EZR: variants seen among roughly 807,000 people sequenced by gnomAD.
The protein encoded by EZR is ezrin.
In EZR, 40 loss-of-function variants were observed where a neutral mutation model predicts 74.8. That is an observed-to-expected ratio of 0.53 (90% CI 0.42 to 0.70). EZR has a LOEUF of 0.70. Among genes scored for constraint, EZR ranks in the 30% least tolerant of loss-of-function variants. The probability of loss-of-function intolerance (pLI) is 0.00; values close to 1 mark genes in which losing one functional copy is unlikely to be tolerated. For missense variants in EZR, 678 were observed against 755.8 expected, an observed-to-expected ratio of 0.90 and a Z score of 1.21; for synonymous variants, 341 against 283.3, an observed-to-expected ratio of 1.20 and a Z score of -2.05.
chr6:158,771,528 C>T (rs143680525), intron 8 of EZR, 121 bp from the exon 9 acceptor site: 2 of 1,086,452 alleles, frequency 1.8e-6, no homozygotes, highest in African/African-American at 1.6e-5. Context: ...ACAGGGATGG[C>T]AGCATCTCGG....
chr6:158,772,589 G>T (rs1036165061), intron 8 of EZR, among the ~76,000 whole-genome samples: 3 of 152,350 alleles, frequency 2.0e-5, no homozygotes, highest in Non-Finnish European at 4.4e-5. Context: ...GGAAACTCGT[G>T]ACCATGACTG....
intron 2 of EZR, among the ~76,000 whole-genome samples, chr6:158,798,265 T>C (rs1457981349): frequency 2.0e-5 from 3 of 152,178 alleles, no homozygotes; most frequent in African/African-American, 4.8e-5. Flanking sequence ...CTTTTAGCAA[T>C]TGCAAATAAG....
chr6:158,799,305 G>A (rs1399999299), intron 2 of EZR, among the ~76,000 whole-genome samples: 1 of 152,174 alleles, frequency 6.6e-6, no homozygotes, highest in African/African-American at 2.4e-5. Context: ...ACATTTCCAT[G>A]TTTACCGGCT....
At chr6:158,782,596 A>G (rs1791461518) in intron 7 of EZR, among the ~76,000 whole-genome samples, 1 of 152,172 alleles carries the variant, frequency 6.6e-6, no homozygotes, top group Non-Finnish European at 1.5e-5. Flanking sequence ...AGACCCCAGG[A>G]GCATTCTTGC....
At chr6:158,804,115 T>G (rs912024010) in intron 2 of EZR, among the ~76,000 whole-genome samples, 1 of 152,114 alleles carries the variant, frequency 6.6e-6, no homozygotes, top group African/African-American at 2.4e-5. Flanking sequence ...TGATGGCGTA[T>G]GAAAATAATG....
chr6:158,787,511 A>G (rs1791614250), intron 3 of EZR, among the ~76,000 whole-genome samples: 1 of 152,184 alleles, frequency 6.6e-6, no homozygotes, highest in African/African-American at 2.4e-5. Flanking sequence ...CATGAAACTC[A>G]GCAGGGCGGG....
chr6:158,769,318 A>C lies in EZR; in HGVS notation c.1344+8T>G, dbSNP rs1374603732. On this transcript the variant is annotated splice_region_variant and intron_variant, in intron 12 of 13. Coordinates refer to ENST00000367075, the MANE Select transcript of EZR (RefSeq NM_001111077.2). The stretch of plus-strand genomic sequence containing the variant: ...GGCCGTGCGGAGGTGTCCCCCGTGC[A>C]GACTCACCCTGTGCTGCCACTCTTC... 6.2e-7 allele frequency: 1 copy of C among 1,608,314 alleles called. No individual in the cohort carries two copies. Among genetic ancestry groups the C allele is most frequent in the Non-Finnish European group, 8.5e-7 (1 of 1,179,728 alleles).
chr6:158,819,204 C>T (rs908745659), intron 1 of EZR, 113 bp downstream of exon 1: 2 of 152,702 alleles, frequency 1.3e-5, no homozygotes, highest in African/African-American at 2.4e-5. Flanking sequence ...CCGCGCCGCG[C>T]CCCCTAGGCT....
intron 2 of EZR, among the ~76,000 whole-genome samples, chr6:158,791,706 A>ATTTTTTTTTTTTTTTTTTT (rs57581855): frequency 9.3e-5 from 9 of 96,262 alleles, no homozygotes; most frequent in African/African-American, 3.3e-4. Flanking sequence ...TTCAGACTCC[A>ATTTTTTTTTTTTTTTTTTT]TTTTTTTTTT....
Position 158,766,687 on chromosome 6 carries a change from C to G in EZR, c.*227G>C, listed in dbSNP as rs1034225601. 1 of 571,950 alleles carries G rather than the reference C, an allele frequency of 1.7e-6. No individual in the cohort carries two copies. The highest frequency in any genetic ancestry group is 2.1e-5 in the South Asian group (1 of 47,060). The allele number at this position is 571,950 out of a possible 1,614,324, so 35.4% of individuals were successfully genotyped here. A position where few individuals can be genotyped will look rare whatever the true frequency, so the allele number is the denominator to read the frequency against. The stretch of plus-strand genomic sequence containing the variant: ...TCCCAGCACAACACAGGAGGTGATT[C>G]GAGAATAATCGCGAGAATCAGGCCT... On this transcript the variant is annotated 3_prime_UTR_variant, in exon 14 of 14. Transcript: ENST00000367075.
intron 10 of EZR, 48 bp from the exon 11 acceptor site, chr6:158,769,992 C>T (rs774065014): frequency 1.9e-6 from 3 of 1,592,268 alleles, no homozygotes; most frequent in South Asian, 1.1e-5. Context: ...GCCCAGGGAC[C>T]TAGGAGCCCT....
intron 2 of EZR, among the ~76,000 whole-genome samples, chr6:158,805,623 A>T (rs1008324719): frequency 1.3e-5 from 2 of 152,196 alleles, no homozygotes; most frequent in African/African-American, 4.8e-5. Context: ...CTAAATCAGT[A>T]ATCTTACAAA....
At chr6:158,780,182 CAAA>C (rs67002848) in intron 7 of EZR, among the ~76,000 whole-genome samples, 5 of 127,190 alleles carry the variant, frequency 3.9e-5, no homozygotes, top group East Asian at 2.9e-4. Flanking sequence ...GATTCCATAT[CAAA>C]AAAAAAAAAA....
intron 12 of EZR, 95 bp from the exon 13 acceptor site, chr6:158,767,607 C>CT: frequency 7.3e-7 from 1 of 1,371,236 alleles, no homozygotes; most frequent in Non-Finnish European, 9.9e-7. Flanking sequence ...TCCTGGCAGG[C>CT]TAAGGCAGCA....
chr6:158,781,066 A>ACATC (rs1791420620), intron 7 of EZR, among the ~76,000 whole-genome samples: 2 of 152,158 alleles, frequency 1.3e-5, no homozygotes, highest in Non-Finnish European at 2.9e-5. Flanking sequence ...TCCATATTCA[A>ACATC]TAGATCAGCT....
At chr6:158,773,315 G>A (rs1791177429) in intron 8 of EZR, among the ~76,000 whole-genome samples, 1 of 152,228 alleles carries the variant, frequency 6.6e-6, no homozygotes, top group Non-Finnish European at 1.5e-5. Flanking sequence ...GGAGTCCACT[G>A]CCAGTGGGTG....
chr6:158,780,415 G>A (rs374746179), intron 7 of EZR, among the ~76,000 whole-genome samples: 2 of 152,294 alleles, frequency 1.3e-5, no homozygotes, highest in Middle Eastern at 6.8e-3. Context: ...GAAGGATATG[G>A]ATGCCTGCAG....
chr6:158,818,821 G>A (rs1777625877), intron 1 of EZR, among the ~76,000 whole-genome samples: 1 of 150,338 alleles, frequency 6.7e-6, no homozygotes, highest in Non-Finnish European at 1.5e-5. Flanking sequence ...CGACAGGGAG[G>A]GGTCAGGGGA....
chr6:158,786,657 C>CAAA (rs5881287), intron 4 of EZR, among the ~76,000 whole-genome samples: 20 of 144,680 alleles, frequency 1.4e-4, no homozygotes, highest in African/African-American at 7.5e-5. Flanking sequence ...GTGGGGGTTT[C>CAAA]AAAAAAAAAA....
Sources: allele counts gnomAD v4.1 joint callset (sites outside exome capture counted in the v4.1 genomes callset), GRCh38; gene constraint gnomAD v4.1.1; transcripts MANE v1.5; gene names NCBI Gene and HGNC (gene_info 2026-07-23, HGNC 2026-07-21).